The following DSCAM variants were observed in gnomAD, a reference collection of about 807,000 sequenced individuals.
DSCAM encodes the protein cell adhesion molecule DSCAM.
Under a neutral mutation model 217.7 loss-of-function variants are expected in DSCAM, and 47 were observed. The observed-to-expected ratio is 0.22, with a 90% confidence interval of 0.17 to 0.28. The LOEUF (loss-of-function observed/expected upper bound fraction) is 0.28, where lower values mean the gene tolerates loss of function less well. Ranked by LOEUF, DSCAM falls within the 10% of genes least tolerant of loss-of-function variation. The pLI is 1.00. For missense variants in DSCAM, 2,080 were observed against 2,618.3 expected (o/e 0.79, Z 4.49); for synonymous variants, 1,056 against 1,015.3 (o/e 1.04, Z -0.76).
intron 27 of DSCAM, among the ~76,000 whole-genome samples, chr21:40,073,002 G>A (rs1796864228): frequency 1.3e-5 from 2 of 152,158 alleles, no homozygotes; most frequent in African/African-American, 4.8e-5. Context: ...TCTGGAGATA[G>A]CCCTTGTACA....
At chr21:40,722,720 TTAAAAG>T (rs551081418) in intron 1 of DSCAM, among the ~76,000 whole-genome samples, 12 of 152,024 alleles carry the variant, frequency 7.9e-5, no homozygotes, top group African/African-American at 1.4e-4. Context: ...CTAAACACTC[TTAAAAG>T]TAAAACATTG....
chr21:40,544,170 A>G (rs1319685623), intron 3 of DSCAM, among the ~76,000 whole-genome samples: 1 of 152,100 alleles, frequency 6.6e-6, no homozygotes, highest in Non-Finnish European at 1.5e-5. Context: ...GCTGAAAATA[A>G]CTCACCATGC....
intron 3 of DSCAM, among the ~76,000 whole-genome samples, chr21:40,440,976 G>T (rs1472370699): frequency 6.6e-6 from 1 of 152,174 alleles, no homozygotes; most frequent in Non-Finnish European, 1.5e-5. Flanking sequence ...CAAGTTTGGG[G>T]TCTGCACTGG....
At chr21:40,219,823 A>G (rs1380214687) in intron 11 of DSCAM, among the ~76,000 whole-genome samples, 4 of 152,226 alleles carry the variant, frequency 2.6e-5, no homozygotes, top group Non-Finnish European at 5.9e-5. Context: ...CTACTTCATA[A>G]ATGTTTGTAA....
In DSCAM at chr21:40,517,766, T is replaced by A. The variant is rs937296041; in HGVS notation, c.509-148521A>T. Among the ~76,000 whole-genome samples the A allele has an allele frequency of 2.6e-5, 4 of 152,266 alleles. No homozygotes were observed. The East Asian group carries it at 5.8e-4, about 22-fold the overall frequency. ...AGTTCTGGGGTGCTGCTGTGGGCAC[T>A]GAGACCTGCAGCTGTCCCTAGGCTT... is the stretch of plus-strand genomic sequence containing the variant. On this transcript the variant is annotated intron_variant, in intron 3 of 32. Transcript: ENST00000400454.
At chr21:40,420,357 G>T (rs557076340) in intron 3 of DSCAM, among the ~76,000 whole-genome samples, 6 of 152,084 alleles carry the variant, frequency 3.9e-5, no homozygotes, top group Non-Finnish European at 8.8e-5. Context: ...TTCTTTATCC[G>T]TATCAAAAGC....
chr21:40,143,240 T>C (rs1175620404), intron 17 of DSCAM, among the ~76,000 whole-genome samples: 1 of 152,208 alleles, frequency 6.6e-6, no homozygotes, highest in Non-Finnish European at 1.5e-5. Flanking sequence ...CATAGACAGG[T>C]CAGAAGAATA....
intron 3 of DSCAM, among the ~76,000 whole-genome samples, chr21:40,447,586 G>A (rs955045306): frequency 7.2e-5 from 11 of 152,104 alleles, no homozygotes; most frequent in African/African-American, 2.2e-4. Flanking sequence ...TTTACACAGC[G>A]AAATGCTATG....
At chr21:40,611,843 C>T (rs2089320076) in intron 3 of DSCAM, among the ~76,000 whole-genome samples, 1 of 152,142 alleles carries the variant, frequency 6.6e-6, no homozygotes, top group Non-Finnish European at 1.5e-5. Context: ...GATGCTAAGA[C>T]AGGGAAGCTT....
intron 11 of DSCAM, among the ~76,000 whole-genome samples, chr21:40,204,590 G>A (rs1435280633): frequency 6.6e-6 from 1 of 152,182 alleles, no homozygotes. Flanking sequence ...GACTTAGAGA[G>A]GCTATGGAGA....
intron 26 of DSCAM, among the ~76,000 whole-genome samples, chr21:40,077,975 T>C (rs181249653): frequency 8.5e-5 from 13 of 152,230 alleles, no homozygotes; most frequent in Admixed American, 6.5e-4. Context: ...CCCTACTAAG[T>C]TGCAGTCGAG....
chr21:40,135,765 C>T (rs370022381), intron 18 of DSCAM, among the ~76,000 whole-genome samples: 3 of 152,218 alleles, frequency 2.0e-5, no homozygotes, highest in Admixed American at 1.3e-4. Context: ...TTTGTGATTA[C>T]GATGACTGTG....
In DSCAM at chr21:40,178,914, C is replaced by T. The variant is rs201298838; in HGVS notation, c.2947+13G>A. On this transcript the variant is annotated intron_variant, in intron 15 of 32. Transcript: ENST00000400454. Reference sequence around the variant, plus strand: ...GGCTCCTCTGGAGCAAGGTTCCGCCCGGTCCCACGTACCTGCCTCGTCCGC... The same window carrying T: ...GGCTCCTCTGGAGCAAGGTTCCGCCTGGTCCCACGTACCTGCCTCGTCCGC... 30 of 1,612,524 alleles carry T rather than the reference C, an allele frequency of 1.9e-5. No homozygotes were observed. The highest frequency in any genetic ancestry group is 2.3e-5 in the Non-Finnish European group (27 of 1,179,902).
chr21:40,750,596 T>C (rs1282286841), intron 1 of DSCAM, among the ~76,000 whole-genome samples: 1 of 152,132 alleles, frequency 6.6e-6, no homozygotes, highest in East Asian at 1.9e-4. Flanking sequence ...CCATGTCTGA[T>C]CCAGACCTCT....
At chr21:40,304,914 A>G (rs142409256) in intron 9 of DSCAM, among the ~76,000 whole-genome samples, 37 of 152,306 alleles carry the variant, frequency 2.4e-4, no homozygotes, top group African/African-American at 7.9e-4. Context: ...CTGATTACCA[A>G]TCACCATAAC....
intron 4 of DSCAM, among the ~76,000 whole-genome samples, chr21:40,364,176 G>A (rs2074800949): frequency 6.6e-6 from 1 of 152,110 alleles, no homozygotes; most frequent in African/African-American, 2.4e-5. Context: ...TCCCATTACT[G>A]GGTATATACC....
At chr21:40,828,323 T>G (rs2091986093) in intron 1 of DSCAM, among the ~76,000 whole-genome samples, 1 of 152,206 alleles carries the variant, frequency 6.6e-6, no homozygotes, top group Non-Finnish European at 1.5e-5. Flanking sequence ...AATGGAGGTT[T>G]CAGCTTTCAA....
chr21:40,445,013 C>A (rs887731308), intron 3 of DSCAM, among the ~76,000 whole-genome samples: 1 of 152,174 alleles, frequency 6.6e-6, no homozygotes, highest in African/African-American at 2.4e-5. Flanking sequence ...CCTGGGGAAT[C>A]TAAGAATAAG....
rs146519726 is a variant in DSCAM at position 40,819,127 on chromosome 21, G to A, written c.43+27492C>T. 7.3e-3 allele frequency among the ~76,000 whole-genome samples: 1,107 copies of A among 152,312 alleles called. 17 individuals carry two copies. Among genetic ancestry groups the A allele is most frequent in the African/African-American group, 0.025 (1,031 of 41,558 alleles). On this transcript the variant is annotated intron_variant, in intron 1 of 32. Transcript: ENST00000400454. ...GCTATTTGCCCAAGAAAATCTAACT[G>A]AGGAAAAACACGGAACACAAAGCTG...
Sources: allele counts gnomAD v4.1 joint callset (sites outside exome capture counted in the v4.1 genomes callset), GRCh38; gene constraint gnomAD v4.1.1; transcripts MANE v1.5; gene names NCBI Gene and HGNC (gene_info 2026-07-23, HGNC 2026-07-21).